Variants in ACSL5 observed in about 807,000 individuals in gnomAD.
The protein encoded by ACSL5 is acyl-CoA synthetase long chain family member 5.
A neutral mutation model predicts 84.9 loss-of-function variants in ACSL5; 50 were observed. The ratio of observed to expected loss-of-function variants is 0.59; its 90% CI spans 0.47 to 0.75. ACSL5 has a LOEUF of 0.75. ACSL5 is among the 30% of genes least tolerant of loss of function. The probability of loss-of-function intolerance (pLI) is 0.00; values close to 1 mark genes in which losing one functional copy is unlikely to be tolerated. For synonymous variants in ACSL5, 280 were observed against 300.7 expected (o/e 0.93, Z 0.71); for missense variants, 775 against 830.4 (o/e 0.93, Z 0.82).
At chr10:112,383,497 G>A (rs894393522) in intron 1 of ACSL5, among the ~76,000 whole-genome samples, 37 of 152,310 alleles carry the variant, frequency 2.4e-4, no homozygotes, top group Admixed American at 7.8e-4. Flanking sequence ...AGGGCCCCTC[G>A]GCCCTGTGAC....
In ACSL5 at chr10:112,408,455, T is replaced by G. The variant is rs1261057138; in HGVS notation, c.466T>G (p.Ser156Ala). The G allele has an allele frequency of 1.9e-6, 3 of 1,613,746 alleles. No homozygotes were observed. Among genetic ancestry groups the G allele is most frequent in the Non-Finnish European group, 2.5e-6 (3 of 1,179,646 alleles). Reference protein sequence around the residue: ...IISELACYTYSMVAVPLYDTL... With the variant: ...IISELACYTYAMVAVPLYDTL... The stretch of plus-strand genomic sequence containing the variant: ...CTCCGAATTGGCTTGTTACACGTAC[T>G]CTATGGTAGCTGTACCTCTGTATGA... Residue 156 changes from serine (S) to alanine (A), a missense_variant, in exon 6 of 21, where the codon TCT becomes GCT. Transcript: ENST00000354655.
At position 112,400,406 on chromosome 10, in the gene ACSL5, C is replaced by CTTTTTTT. The variant is rs573644087; in HGVS notation, c.265+1412_265+1418dup. On this transcript the variant is annotated intron_variant, in intron 3 of 20. Transcript: ENST00000354655. ...AATTTTTTTTTCCTTTTTTTCTTTT[C>CTTTTTTT]TTTTTTTTTTTTTTTTTTTTTGAGA... Among the ~76,000 whole-genome samples, 881 of 98,792 alleles carry CTTTTTTT rather than the reference C, an allele frequency of 8.9e-3. 2 individuals carry two copies. The highest frequency in any genetic ancestry group is 0.013 in the African/African-American group (327 of 25,248). 64.8% of individuals were successfully genotyped at this position (98,792 alleles called of 152,430 possible). A position where few individuals can be genotyped will look rare whatever the true frequency, so the allele number is the denominator to read the frequency against.
In ACSL5 at chr10:112,426,306, T is replaced by G; in HGVS notation, c.1786T>G (p.Phe596Val). 6.2e-7 allele frequency: 1 copy of G among 1,614,142 alleles called. No individual in the cohort carries two copies. Among genetic ancestry groups the G allele is most frequent in the Non-Finnish European group, 8.5e-7 (1 of 1,180,012 alleles). Residue 596 changes from phenylalanine to valine, a missense_variant, in exon 19 of 21, where the codon TTT becomes GTT. By Grantham distance (50) the Phe-to-Val change is conservative (BLOSUM62 -1). Coordinates refer to ENST00000354655, the MANE Select transcript of ACSL5 (RefSeq NM_203379.2). Reference sequence around the variant, plus strand: ...TCCTGACACAGATGTACTTCCCTCATTTGCAGCCAAGCTTGGGGTGAAGGG... The same window carrying G: ...TCCTGACACAGATGTACTTCCCTCAGTTGCAGCCAAGCTTGGGGTGAAGGG... ...VVPDTDVLPS[F>V]AAKLGVKGSF...
At chr10:112,419,937 A>G (rs1564743095) in intron 14 of ACSL5, 1 of 152,124 alleles carries the variant, frequency 6.6e-6, no homozygotes, top group Non-Finnish European at 1.5e-5. Flanking sequence ...GTGCTTGGCC[A>G]TGCATATTGT....
Position 112,428,352 on chromosome 10 carries a change from T to A in ACSL5, c.*994T>A, listed in dbSNP as rs1413419030. 2 of 398,342 alleles carry A rather than the reference T, an allele frequency of 5.0e-6. No homozygotes were observed. The highest frequency in any genetic ancestry group is 3.6e-5 in the East Asian group (1 of 28,058). 24.7% of individuals were successfully genotyped at this position (398,342 alleles called of 1,614,324 possible). On this transcript the variant is annotated 3_prime_UTR_variant, in exon 21 of 21. Coordinates refer to ENST00000354655, the MANE Select transcript of ACSL5 (RefSeq NM_203379.2). ...GTTGTTTCTACTTGTAAATGTAAAG[T>A]CTTTAAAATAAACTATTACAGATAC... is the stretch of plus-strand genomic sequence containing the variant.
intron 3 of ACSL5, among the ~76,000 whole-genome samples, chr10:112,400,969 T>C (rs76643973): frequency 4.0e-5 from 6 of 151,280 alleles, no homozygotes; most frequent in Non-Finnish European, 4.4e-5. Context: ...TAATTTAGGA[T>C]TTTTTTTTAA....
chr10:112,412,655 T>C (rs1844208795), intron 11 of ACSL5: 1 of 152,742 alleles, frequency 6.5e-6, no homozygotes, highest in South Asian at 2.1e-4. Context: ...ATGCCTAAAA[T>C]GCCAAAATGC....
chr10:112,409,665 T>C lies in ACSL5; in HGVS notation c.691T>C (p.Leu231=). ...QRGEKSGIEI[L]SLYDAENLGK... The stretch of plus-strand genomic sequence containing the variant: ...AGGGGAGAAGAGTGGAATTGAGATC[T>C]TATCCCTATATGATGCTGAGGTATG... The change falls in exon 7 of 21, where the codon TTA becomes CTA. Residue 231 remains leucine (L), a synonymous_variant. Transcript: ENST00000354655. 6.2e-7 allele frequency: 1 copy of C among 1,614,192 alleles called. No individual in the cohort carries two copies. Among genetic ancestry groups the C allele is most frequent in the South Asian group, 1.1e-5 (1 of 91,084 alleles).
At chr10:112,390,525 C>T (rs771422812) in intron 1 of ACSL5, among the ~76,000 whole-genome samples, 3 of 152,204 alleles carry the variant, frequency 2.0e-5, no homozygotes, top group South Asian at 2.1e-4. Flanking sequence ...CAATTTCTCT[C>T]CTAGGTCTAC....
In ACSL5 at chr10:112,417,884, A is replaced by G; in HGVS notation, c.1257A>G (p.Gly419=). 6.2e-7 allele frequency: 1 copy of G among 1,614,090 alleles called. No individual in the cohort carries two copies. Among genetic ancestry groups the G allele is most frequent in the Non-Finnish European group, 8.5e-7 (1 of 1,179,996 alleles). Residue 419 remains glycine (G), a synonymous_variant, in exon 14 of 21, where the codon GGA becomes GGG. Coordinates refer to ENST00000354655, the MANE Select transcript of ACSL5 (RefSeq NM_203379.2). ...LGGRVRVIVT[G]AAPMSTSVMT... is the part of the protein sequence containing the mutation. The stretch of plus-strand genomic sequence containing the variant: ...GAAGGGTTCGTGTAATTGTCACTGG[A>G]GCTGCCCCCATGTCCACTTCAGTCA...
intron 12 of ACSL5, among the ~76,000 whole-genome samples, chr10:112,416,547 G>T (rs1844319410): frequency 6.6e-6 from 1 of 151,686 alleles, no homozygotes; most frequent in South Asian, 2.1e-4. Context: ...CCTAGAAGTG[G>T]TGCCCATTGA....
intron 7 of ACSL5, chr10:112,410,040 C>A: frequency 2.8e-6 from 1 of 351,926 alleles, no homozygotes; most frequent in Non-Finnish European, 4.0e-6. Context: ...TTCTCTCGGT[C>A]CGTAAAATGG....
At chr10:112,422,814 C>T in intron 17 of ACSL5, among the ~76,000 whole-genome samples, 1 of 149,510 alleles carries the variant, frequency 6.7e-6, no homozygotes. Context: ...CAAGATTGTG[C>T]CACTGCACTC....
intron 3 of ACSL5, 66 bp from the exon 4 acceptor site, chr10:112,404,444 CT>C: frequency 3.9e-6 from 5 of 1,282,018 alleles, no homozygotes; most frequent in Middle Eastern, 2.1e-4. Flanking sequence ...TCTTAATCTC[CT>C]TTTAGCTTCC....
At chr10:112,394,272 A>G (rs905554081) in intron 1 of ACSL5, among the ~76,000 whole-genome samples, 7 of 152,258 alleles carry the variant, frequency 4.6e-5, no homozygotes, top group Admixed American at 1.3e-4. Flanking sequence ...TTTGCCTCAC[A>G]GTAAAATGAT....
At chr10:112,408,302 A>AG in intron 5 of ACSL5, 120 bp from the exon 6 acceptor site, 1 of 598,858 alleles carries the variant, frequency 1.7e-6, no homozygotes, top group African/African-American at 1.9e-5. Flanking sequence ...CTGTCTCAAA[A>AG]AAAAAAAAAA....
At chr10:112,383,782 G>A (rs1339346575) in intron 1 of ACSL5, among the ~76,000 whole-genome samples, 1 of 150,368 alleles carries the variant, frequency 6.7e-6, no homozygotes, top group East Asian at 2.0e-4. Context: ...TGTGTTGGAG[G>A]TGGGATTATA....
At chr10:112,415,582 G>A (rs568867008) in intron 12 of ACSL5, among the ~76,000 whole-genome samples, 2 of 152,322 alleles carry the variant, frequency 1.3e-5, no homozygotes, top group African/African-American at 4.8e-5. Context: ...GCATGATGCA[G>A]GAAGCATTTG....
At position 112,427,482 on chromosome 10, in the gene ACSL5, C is replaced by T; in HGVS notation, c.*124C>T. 1 of 903,860 alleles carries T rather than the reference C, an allele frequency of 1.1e-6. No homozygotes were observed. The highest frequency in any genetic ancestry group is 2.3e-5 in the South Asian group (1 of 43,166). The allele number at this position is 903,860 out of a possible 1,614,324, so 56.0% of individuals were successfully genotyped here. A position where few individuals can be genotyped will look rare whatever the true frequency, so the allele number is the denominator to read the frequency against. ...TTTTTAACCTGTTAAACTCTAAAGC[C>T]ATAGCTTTTGTTTTATATTGAGACA... On this transcript the variant is annotated 3_prime_UTR_variant, in exon 21 of 21. Coordinates refer to ENST00000354655, the MANE Select transcript of ACSL5 (RefSeq NM_203379.2).
Sources: gnomAD v4.1 joint callset for allele counts (sites outside exome capture counted in the v4.1 genomes callset) on GRCh38, gnomAD v4.1.1 for gene constraint, MANE v1.5 for transcripts, NCBI Gene and HGNC (gene_info 2026-07-23, HGNC 2026-07-21) for gene names.